The following SSBP3 variants were observed in gnomAD, a reference collection of about 807,000 sequenced individuals.
SSBP3 encodes the protein single-stranded DNA-binding protein 3.
A neutral mutation model predicts 69.6 loss-of-function variants in SSBP3; 5 were observed. The observed-to-expected ratio is 0.07, with a 90% confidence interval of 0.04 to 0.15. The LOEUF (loss-of-function observed/expected upper bound fraction) is 0.15. Among genes scored for constraint, SSBP3 ranks in the 10% least tolerant of loss-of-function variants. SSBP3 has a pLI of 1.00. For synonymous variants in SSBP3, 196 were observed against 193.4 expected, an observed-to-expected ratio of 1.01 and a Z score of -0.11; for missense variants, 312 against 534.0, an observed-to-expected ratio of 0.58 and a Z score of 4.10.
chr1:54,363,491 G>C (rs999172543), intron 4 of SSBP3, among the ~76,000 whole-genome samples: 2 of 152,088 alleles, frequency 1.3e-5, no homozygotes, highest in Non-Finnish European at 2.9e-5. Context: ...TTATAAATTA[G>C]ACAAGTCAAC....
chr1:54,295,321 A>G (rs1443371248), intron 4 of SSBP3, among the ~76,000 whole-genome samples: 1 of 152,140 alleles, frequency 6.6e-6, no homozygotes, highest in Non-Finnish European at 1.5e-5. Context: ...CGGTCCATGT[A>G]TCTACCTAGA....
intron 17 of SSBP3, among the ~76,000 whole-genome samples, chr1:54,227,743 A>T (rs1263973922): frequency 6.6e-6 from 1 of 152,094 alleles, no homozygotes; most frequent in African/African-American, 2.4e-5. Context: ...ACACCCGGCT[A>T]ATTTTTGTAT....
At chr1:54,402,483 T>C (rs762529087) in intron 3 of SSBP3, among the ~76,000 whole-genome samples, 8 of 152,168 alleles carry the variant, frequency 5.3e-5, no homozygotes, top group Non-Finnish European at 1.0e-4. Context: ...TTACAGGCTC[T>C]TAATCCCAGA....
chr1:54,333,922 A>T (rs892906278), intron 4 of SSBP3, among the ~76,000 whole-genome samples: 4 of 151,998 alleles, frequency 2.6e-5, no homozygotes, highest in Admixed American at 6.6e-5. Context: ...AAAACTAGGC[A>T]GGCATGGTGA....
intron 4 of SSBP3, among the ~76,000 whole-genome samples, chr1:54,391,146 C>G (rs1302716037): frequency 5.3e-5 from 8 of 152,230 alleles, no homozygotes; most frequent in African/African-American, 1.2e-4. Flanking sequence ...GTGTCCCCAT[C>G]TGGAAACTGA....
At chr1:54,364,917 A>G (rs1243371031) in intron 4 of SSBP3, among the ~76,000 whole-genome samples, 3 of 152,116 alleles carry the variant, frequency 2.0e-5, no homozygotes, top group Non-Finnish European at 4.4e-5. Context: ...TTTGTGCTAC[A>G]TTTTAACATT....
At chr1:54,269,813 C>A (rs1241549338) in intron 5 of SSBP3, among the ~76,000 whole-genome samples, 1 of 152,184 alleles carries the variant, frequency 6.6e-6, no homozygotes, top group African/African-American at 2.4e-5. Context: ...GGTAGCAGGG[C>A]TAGACCACAA....
At chr1:54,271,311 A>G (rs1160163438) in intron 5 of SSBP3, among the ~76,000 whole-genome samples, 2 of 152,080 alleles carry the variant, frequency 1.3e-5, no homozygotes, top group African/African-American at 2.4e-5. Flanking sequence ...GACAGGGTCT[A>G]TGTTGCCCAG....
Position 54,275,733 on chromosome 1 carries a change from T to A in SSBP3, c.366+5705A>T, listed in dbSNP as rs193047898. Among the ~76,000 whole-genome samples the A allele has an allele frequency of 2.5e-4, 38 of 152,334 alleles. No homozygotes were observed. The Middle Eastern group carries it at 0.01, about 41-fold the overall frequency. On this transcript the variant is annotated intron_variant, in intron 5 of 17. Coordinates refer to ENST00000610401, the Ensembl canonical transcript of SSBP3. The stretch of plus-strand genomic sequence containing the variant: ...AATGTCTTCCATACAATGATTCAAA[T>A]TGGCTTCCCTTTTCTCTCAAGGACT...
intron 14 of SSBP3, among the ~76,000 whole-genome samples, chr1:54,232,530 A>C (rs780169797): frequency 1.3e-5 from 2 of 152,138 alleles, no homozygotes; most frequent in Non-Finnish European, 2.9e-5. Flanking sequence ...AGGAGTGCAA[A>C]AACAACCTGG....
At chr1:54,289,827 G>A (rs765820294) in intron 4 of SSBP3, among the ~76,000 whole-genome samples, 23 of 152,110 alleles carry the variant, frequency 1.5e-4, no homozygotes, top group Non-Finnish European at 2.8e-4. Flanking sequence ...GGGGGTGGGT[G>A]TGGGGCTTGT....
intron 4 of SSBP3, among the ~76,000 whole-genome samples, chr1:54,349,537 G>A (rs1350156526): frequency 1.3e-5 from 2 of 152,190 alleles, no homozygotes; most frequent in Admixed American, 6.5e-5. Flanking sequence ...CCCCCCAAAT[G>A]AAGCCAAAAT....
chr1:54,293,309 G>A (rs1031574099), intron 4 of SSBP3, among the ~76,000 whole-genome samples: 3 of 151,986 alleles, frequency 2.0e-5, no homozygotes, highest in South Asian at 2.1e-4. Context: ...TGGGAGGATC[G>A]GAGGCACGCG....
chr1:54,290,579 G>A (rs998362660), intron 4 of SSBP3, among the ~76,000 whole-genome samples: 4 of 152,202 alleles, frequency 2.6e-5, no homozygotes, highest in Admixed American at 1.3e-4. Context: ...CCATACTGCC[G>A]GGCCCTGCCC....
intron 4 of SSBP3, among the ~76,000 whole-genome samples, chr1:54,343,102 C>G (rs1042708672): frequency 1.3e-5 from 2 of 152,190 alleles, no homozygotes; most frequent in Admixed American, 6.5e-5. Context: ...GCTCCATAGC[C>G]CGGATCCTGT....
chr1:54,349,384 C>G lies in SSBP3; in HGVS notation c.276+52477G>C, dbSNP rs532961564. ...TTTGTTATGTGAGCAAAACAACTGC[C>G]GGGCATCCAATGCCCTTAAGGTTAG... On this transcript the variant is annotated intron_variant, in intron 4 of 17. Transcript: ENST00000610401. 1.3e-5 allele frequency among the ~76,000 whole-genome samples: 2 copies of G among 152,170 alleles called. 1 individual carries two copies. Among genetic ancestry groups the G allele is most frequent in the Non-Finnish European group, 2.9e-5 (2 of 68,034 alleles).
At chr1:54,381,562 C>CAACTGTGAG (rs1647656357) in intron 4 of SSBP3, among the ~76,000 whole-genome samples, 1 of 152,146 alleles carries the variant, frequency 6.6e-6, no homozygotes, top group Non-Finnish European at 1.5e-5. Flanking sequence ...GTGCTCTCAC[C>CAACTGTGAG]AAGGTGATCA....
At chr1:54,325,350 G>C (rs936845130) in intron 4 of SSBP3, 2 of 167,122 alleles carry the variant, frequency 1.2e-5, no homozygotes, top group Admixed American at 1.3e-4. Flanking sequence ...ACTAGGAAAA[G>C]GCAGGAACAG....
intron 1 of SSBP3, among the ~76,000 whole-genome samples, chr1:54,411,891 C>CA (rs71066917): frequency 0.063 from 5,567 of 87,874 alleles, 269 homozygotes; most frequent in East Asian, 0.096. Flanking sequence ...GACTCCGTCT[C>CA]AAAAAAAAAA....
Sources: gnomAD v4.1 joint callset for allele counts (sites outside exome capture counted in the v4.1 genomes callset) on GRCh38, gnomAD v4.1.1 for gene constraint, MANE v1.5 for transcripts, NCBI Gene and HGNC (gene_info 2026-07-23, HGNC 2026-07-21) for gene names.